Variants in TMPRSS13 observed in about 807,000 individuals in gnomAD.
TMPRSS13 encodes transmembrane protease serine 13.
Under a neutral mutation model 68.4 loss-of-function variants are expected in TMPRSS13, and 50 were observed. The ratio of observed to expected loss-of-function variants is 0.73; its 90% confidence interval spans 0.58 to 0.93. The LOEUF is 0.93. TMPRSS13 is among the 40% of genes least tolerant of loss of function. The probability of loss-of-function intolerance (pLI) is 0.00; values close to 1 mark genes in which losing one functional copy is unlikely to be tolerated. For missense variants in TMPRSS13, 615 were observed against 729.2 expected (o/e 0.84, Z 1.80); for synonymous variants, 267 against 285.8 (o/e 0.93, Z 0.66).
Position 117,911,845 on chromosome 11 carries a change from G to A in TMPRSS13, c.825C>T (p.Thr275=), listed in dbSNP as rs761175401. ...TGGCAAAATCCCTGTGGGCAACCTC[G>A]GTTGTCCGGTGAGCACTACAAGGGA... ...QLGFESAHRT[T]EVAHRDFANS... is the part of the protein sequence containing the mutation. Residue 275 remains threonine (T), a synonymous_variant, in exon 6 of 13, where the codon ACC becomes ACT. Coordinates refer to ENST00000524993, the MANE Select transcript of TMPRSS13 (RefSeq NM_001077263.3). 116 of 1,613,864 alleles carry A rather than the reference G, an allele frequency of 7.2e-5. 2 individuals carry two copies. The South Asian group carries it at 1.0e-3, about 15-fold the overall frequency.
chr11:117,902,663 G>A (rs753629788), intron 12 of TMPRSS13, among the ~76,000 whole-genome samples: 4 of 152,220 alleles, frequency 2.6e-5, no homozygotes, highest in Admixed American at 6.5e-5. Context: ...CACTGCCAGC[G>A]GCCTGTGTGA....
At chr11:117,910,002 G>A (rs745692134) in intron 7 of TMPRSS13, 34 bp from the exon 8 acceptor site, 1 of 1,601,864 alleles carries the variant, frequency 6.2e-7, no homozygotes, top group South Asian at 1.1e-5. Context: ...TGTGAACCCT[G>A]TTTCTCCCAG....
chr11:117,903,737 C>A lies in TMPRSS13; in HGVS notation c.1595G>T (p.Gly532Val). The change falls in exon 12 of 13, where the codon GGC becomes GTC. Residue 532 changes from glycine to valine, a missense_variant. Physicochemically the swap from Gly to Val is moderately radical, Grantham distance 109. Transcript: ENST00000524993. Reference protein sequence around the residue: ...RWYLAGVTSWGTGCGQRNKPG... With the variant: ...RWYLAGVTSWVTGCGQRNKPG... ...TTTGTTTCTCTGGCCACAGCCTGTG[C>A]CCCAGCTGGTGACACCTGCCAGGTA... 1 of 1,613,410 alleles carries A rather than the reference C, an allele frequency of 6.2e-7. No individual in the cohort carries two copies. Among genetic ancestry groups the A allele is most frequent in the Non-Finnish European group, 8.5e-7 (1 of 1,179,742 alleles).
intron 7 of TMPRSS13, among the ~76,000 whole-genome samples, chr11:117,910,330 C>G (rs1183682500): frequency 1.3e-5 from 2 of 152,142 alleles, no homozygotes; most frequent in African/African-American, 2.4e-5. Flanking sequence ...GATGGTAAGT[C>G]CCAGGACTGC....
intron 3 of TMPRSS13, 73 bp downstream of exon 3, chr11:117,917,097 C>T: frequency 7.9e-7 from 1 of 1,266,820 alleles, no homozygotes; most frequent in South Asian, 1.3e-5. Flanking sequence ...TCTCCCCTGC[C>T]TGCCCCCATC....
In TMPRSS13 at chr11:117,909,823, G is replaced by A. The variant is rs749115812; in HGVS notation, c.1092C>T (p.Ala364=). Reference sequence around the variant, plus strand: ...GCACTTACACGAAGAAGCAGTGGGCGGCAGTGAGCACCCACTGGGCGTCAA... The same window carrying A: ...GCACTTACACGAAGAAGCAGTGGGCAGCAGTGAGCACCCACTGGGCGTCAA... The part of the protein sequence containing the change: ...TLIDAQWVLT[A]AHCFFVTREK... Residue 364 remains alanine, a synonymous_variant, in exon 8 of 13, where the codon GCC becomes GCT. Transcript: ENST00000524993. 1.7e-5 allele frequency: 28 copies of A among 1,611,800 alleles called. No individual in the cohort carries two copies. The highest frequency in any genetic ancestry group is 9.3e-5 in the African/African-American group (7 of 74,918).
chr11:117,911,821 G>A lies in TMPRSS13; in HGVS notation c.849C>T (p.Ala283=), dbSNP rs2057525920. Reference sequence around the variant, plus strand: ...TGTATCTCAAGATTGAGAAGCTGTTGGCAAAATCCCTGTGGGCAACCTCGG... The same window carrying A: ...TGTATCTCAAGATTGAGAAGCTGTTAGCAAAATCCCTGTGGGCAACCTCGG... ...RTTEVAHRDF[A]NSFSILRYNS... Residue 283 remains alanine, a synonymous_variant, in exon 6 of 13, where the codon GCC becomes GCT. Coordinates refer to ENST00000524993, the MANE Select transcript of TMPRSS13 (RefSeq NM_001077263.3). 1 of 1,614,038 alleles carries A rather than the reference G, an allele frequency of 6.2e-7. No homozygotes were observed. The highest frequency in any genetic ancestry group is 1.3e-5 in the African/African-American group (1 of 75,020).
At chr11:117,921,364 C>T (rs917031648) in intron 1 of TMPRSS13, among the ~76,000 whole-genome samples, 4 of 152,180 alleles carry the variant, frequency 2.6e-5, no homozygotes, top group African/African-American at 7.2e-5. Flanking sequence ...CACAAGGACC[C>T]GGGGCTCAGA....
chr11:117,908,426 C>T, intron 9 of TMPRSS13, 186 bp downstream of exon 9: 1 of 668,014 alleles, frequency 1.5e-6, no homozygotes, highest in Admixed American at 2.9e-5. Context: ...ATTTATAACC[C>T]TTGGGCTTCA....
At chr11:117,920,433 G>T (rs183653476) in intron 1 of TMPRSS13, among the ~76,000 whole-genome samples, 1,819 of 152,060 alleles carry the variant, frequency 0.012, 47 homozygotes, top group African/African-American at 0.042. Flanking sequence ...CCGCCTCCCA[G>T]GTTCAAGCTA....
At chr11:117,910,360 C>T (rs1421754563) in intron 7 of TMPRSS13, among the ~76,000 whole-genome samples, 3 of 152,278 alleles carry the variant, frequency 2.0e-5, no homozygotes, top group African/African-American at 7.2e-5. Flanking sequence ...CACAGGAATG[C>T]AGACCAGTTC....
chr11:117,917,343 G>A (rs1207527850), intron 2 of TMPRSS13, 69 bp from the exon 3 acceptor site: 1 of 1,280,954 alleles, frequency 7.8e-7, no homozygotes, highest in Non-Finnish European at 1.1e-6. Flanking sequence ...GAGGGTGGGG[G>A]AAACAAGACT....
intron 12 of TMPRSS13, 152 bp from the exon 13 acceptor site, chr11:117,902,417 C>T (rs2057416917): frequency 1.2e-6 from 1 of 835,708 alleles, no homozygotes; most frequent in East Asian, 2.6e-5. Flanking sequence ...AGGATGGATG[C>T]AGGATTGGAG....
At chr11:117,911,932 G>C (rs1451251446) in intron 5 of TMPRSS13, 72 bp from the exon 6 acceptor site, 3 of 1,283,794 alleles carry the variant, frequency 2.3e-6, no homozygotes, top group Non-Finnish European at 3.4e-6. Context: ...CAGCAGGCTA[G>C]AGCCCCACCA....
chr11:117,910,313 G>T (rs1007073280), intron 7 of TMPRSS13, among the ~76,000 whole-genome samples: 3 of 152,118 alleles, frequency 2.0e-5, no homozygotes, highest in African/African-American at 4.8e-5. Flanking sequence ...TTGGGCATTG[G>T]GGTCATGATG....
intron 9 of TMPRSS13, among the ~76,000 whole-genome samples, chr11:117,906,449 A>G (rs1444068237): frequency 6.6e-6 from 1 of 152,280 alleles, no homozygotes; most frequent in Non-Finnish European, 1.5e-5. Context: ...ATTAGTTAAT[A>G]GAATGTTTGC....
intron 1 of TMPRSS13, among the ~76,000 whole-genome samples, chr11:117,921,305 A>C (rs1388928329): frequency 6.6e-6 from 1 of 151,370 alleles, no homozygotes; most frequent in Non-Finnish European, 1.5e-5. Context: ...TGATTCTCAC[A>C]AGTCTCTCAG....
chr11:117,920,346 TGCTC>T (rs2057630721), intron 1 of TMPRSS13, among the ~76,000 whole-genome samples: 1 of 151,626 alleles, frequency 6.6e-6, no homozygotes. Flanking sequence ...TTTGTTTGTT[TGCTC>T]GTTTGTTTTT....
intron 1 of TMPRSS13, among the ~76,000 whole-genome samples, chr11:117,923,932 GC>G (rs1473291298): frequency 6.6e-6 from 1 of 151,384 alleles, no homozygotes; most frequent in East Asian, 1.9e-4. Context: ...GTGCATCAGG[GC>G]CCGTTTCAGT....
Sources: allele counts gnomAD v4.1 joint callset (sites outside exome capture counted in the v4.1 genomes callset), GRCh38; gene constraint gnomAD v4.1.1; transcripts MANE v1.5; gene names NCBI Gene and HGNC (gene_info 2026-07-23, HGNC 2026-07-21).